RAB6A: variants seen among roughly 807,000 people sequenced by gnomAD.
RAB6A encodes the protein RAB6A, member RAS oncogene family.
RAB6A carries 8 observed loss-of-function variants against 32.3 expected under a neutral mutation model. The observed-to-expected ratio is 0.25, with a 90% CI of 0.15 to 0.45. The LOEUF is 0.45. Ranked by LOEUF, RAB6A falls within the 20% of genes least tolerant of loss-of-function variation. RAB6A has a pLI of 1.00. For synonymous variants in RAB6A, 73 were observed against 82.1 expected (o/e 0.89, Z 0.60); for missense variants, 104 against 249.4 (o/e 0.42, Z 3.93).
intron 1 of RAB6A, among the ~76,000 whole-genome samples, chr11:73,731,731 T>TACAC (rs148400595): frequency 1.2e-3 from 20 of 16,976 alleles, no homozygotes; most frequent in South Asian, 1.9e-3. Flanking sequence ...TATATATATA[T>TACAC]ACACACACAC....
At chr11:73,755,340 C>T (rs1432133350) in intron 1 of RAB6A, among the ~76,000 whole-genome samples, 1 of 151,908 alleles carries the variant, frequency 6.6e-6, no homozygotes, top group Non-Finnish European at 1.5e-5. Flanking sequence ...GTTGCCCAGG[C>T]TGGAGCGCAG....
chr11:73,678,996 G>A (rs1371999461), intron 7 of RAB6A, among the ~76,000 whole-genome samples: 1 of 152,076 alleles, frequency 6.6e-6, no homozygotes, highest in Non-Finnish European at 1.5e-5. Flanking sequence ...AAAGTGCTGG[G>A]ATTACAGGCA....
At chr11:73,740,975 T>A (rs1186650346) in intron 1 of RAB6A, among the ~76,000 whole-genome samples, 1 of 152,160 alleles carries the variant, frequency 6.6e-6, no homozygotes, top group East Asian at 1.9e-4. Context: ...AGAAAATTTG[T>A]TAAAATAAGT....
At chr11:73,692,294 G>C (rs1365702260) in intron 6 of RAB6A, among the ~76,000 whole-genome samples, 1 of 151,596 alleles carries the variant, frequency 6.6e-6, no homozygotes, top group Non-Finnish European at 1.5e-5. Flanking sequence ...CATGAGGTCA[G>C]GAGATCAAGA....
chr11:73,757,116 T>C (rs1161933101), intron 1 of RAB6A, among the ~76,000 whole-genome samples: 2 of 46,716 alleles, frequency 4.3e-5, no homozygotes, highest in Non-Finnish European at 8.4e-5. Flanking sequence ...TATATATATA[T>C]ATATATATAT....
chr11:73,710,120 G>A lies in RAB6A; in HGVS notation c.402-2607C>T, dbSNP rs960771941. 7.9e-5 allele frequency among the ~76,000 whole-genome samples: 7 copies of A among 88,098 alleles called. No homozygotes were observed. The East Asian group carries it at 1.2e-3, about 15-fold the overall frequency. The allele number at this position is 88,098 out of a possible 152,430, so 57.8% of individuals were successfully genotyped here. A position where few individuals can be genotyped will look rare whatever the true frequency, so the allele number is the denominator to read the frequency against. On this transcript the variant is annotated intron_variant, in intron 5 of 7. Coordinates refer to ENST00000336083, the MANE Select transcript of RAB6A (RefSeq NM_198896.2). ...ATTACAGGCTCCCGCCACCACACCC[G>A]GCTAATTTTTTGTGTTTTTTTTTTT...
chr11:73,725,278 G>A (rs1359927448), intron 2 of RAB6A, among the ~76,000 whole-genome samples: 1 of 152,188 alleles, frequency 6.6e-6, no homozygotes, highest in Non-Finnish European at 1.5e-5. Context: ...ACTCCAAAAA[G>A]TGCTTGGTAA....
intron 6 of RAB6A, among the ~76,000 whole-genome samples, chr11:73,695,971 G>A (rs954342449): frequency 1.1e-4 from 17 of 152,072 alleles, no homozygotes; most frequent in African/African-American, 3.9e-4. Context: ...AGATACACTG[G>A]AGAAGGAGAT....
rs570423167 is a variant in RAB6A at position 73,707,404 on chromosome 11, C to A, written c.495+16G>T. ...ATTTCATATTTTTTCAATTTGGTAA[C>A]CTCAACTCAACTTACCTGCTTTACA... is the stretch of plus-strand genomic sequence containing the variant. On this transcript the variant is annotated intron_variant, in intron 6 of 7. Coordinates refer to ENST00000336083, the MANE Select transcript of RAB6A (RefSeq NM_198896.2). The A allele has an allele frequency of 1.3e-6, 2 of 1,566,322 alleles. No individual in the cohort carries two copies. The highest frequency in any genetic ancestry group is 1.8e-6 in the Non-Finnish European group (2 of 1,138,020).
At chr11:73,714,872 A>G (rs747698165) in intron 5 of RAB6A, among the ~76,000 whole-genome samples, 8 of 152,038 alleles carry the variant, frequency 5.3e-5, no homozygotes, top group Non-Finnish European at 1.2e-4. Flanking sequence ...AGGCTGAGGC[A>G]GAAGAATCGC....
At chr11:73,700,851 A>C (rs1945733716) in intron 6 of RAB6A, among the ~76,000 whole-genome samples, 1 of 152,178 alleles carries the variant, frequency 6.6e-6, no homozygotes, top group Non-Finnish European at 1.5e-5. Context: ...CAAGTGCTTA[A>C]ATCAAAATAA....
intron 1 of RAB6A, among the ~76,000 whole-genome samples, chr11:73,751,795 T>C (rs1378857497): frequency 6.6e-6 from 1 of 152,160 alleles, no homozygotes; most frequent in African/African-American, 2.4e-5. Context: ...ACAACCAAGA[T>C]TCTCTCCAGC....
intron 5 of RAB6A, 92 bp downstream of exon 5, chr11:73,716,159 A>C: frequency 2.1e-6 from 2 of 955,730 alleles, no homozygotes; most frequent in Non-Finnish European, 3.2e-6. Flanking sequence ...AGGATTAAGC[A>C]TGTCTCCTTT....
At position 73,679,726 on chromosome 11, in the gene RAB6A, G is replaced by A. The variant is rs1565342336; in HGVS notation, c.496-6C>T. 6.4e-7 allele frequency: 1 copy of A among 1,574,066 alleles called. No homozygotes were observed. The highest frequency in any genetic ancestry group is 8.6e-7 in the Non-Finnish European group (1 of 1,157,040). On this transcript the variant is annotated splice_polypyrimidine_tract_variant and splice_region_variant and intron_variant, in intron 6 of 7. Transcript: ENST00000336083. Reference sequence around the variant, plus strand: ...GCTGCTACACGTCGAAAGAGCTGTGGGAAAGAGAGAAAAGTGATAACTGAG... The same window carrying A: ...GCTGCTACACGTCGAAAGAGCTGTGAGAAAGAGAGAAAAGTGATAACTGAG...
chr11:73,716,127 A>G (rs1366881596), intron 5 of RAB6A, 124 bp downstream of exon 5: 1 of 630,954 alleles, frequency 1.6e-6, no homozygotes, highest in African/African-American at 1.9e-5. Flanking sequence ...GCTAAAGAAA[A>G]GCAGGGGAGG....
chr11:73,706,402 T>C (rs975077238), intron 6 of RAB6A, among the ~76,000 whole-genome samples: 8 of 151,804 alleles, frequency 5.3e-5, no homozygotes, highest in African/African-American at 1.9e-4. Context: ...TAGTCCCAGC[T>C]ACTCGGGAGG....
At chr11:73,757,819 C>T (rs1302205197) in intron 1 of RAB6A, among the ~76,000 whole-genome samples, 2 of 152,110 alleles carry the variant, frequency 1.3e-5, no homozygotes, top group African/African-American at 2.4e-5. Context: ...TACTAGCTTT[C>T]GTTACTACTA....
chr11:73,757,676 G>A (rs1249576232), intron 1 of RAB6A, among the ~76,000 whole-genome samples: 1 of 151,950 alleles, frequency 6.6e-6, no homozygotes, highest in African/African-American at 2.4e-5. Context: ...GAAATGGTTG[G>A]GCCTCTAAAC....
intron 2 of RAB6A, chr11:73,722,325 A>T (rs1375195663): frequency 1.7e-4 from 3 of 17,706 alleles, no homozygotes; most frequent in African/African-American, 3.3e-4. Context: ...ATATATATAT[A>T]TATATATATA....
Sources: gnomAD v4.1 joint callset for allele counts (sites outside exome capture counted in the v4.1 genomes callset) on GRCh38, gnomAD v4.1.1 for gene constraint, MANE v1.5 for transcripts, NCBI Gene and HGNC (gene_info 2026-07-23, HGNC 2026-07-21) for gene names.